DLGAP2: variants seen among roughly 807,000 people sequenced by gnomAD.
The protein encoded by DLGAP2 is disks large-associated protein 2.
In DLGAP2, 26 loss-of-function variants were observed where a neutral mutation model predicts 100.3. That is an observed-to-expected ratio of 0.26 (90% confidence interval 0.19 to 0.36). DLGAP2 has a LOEUF of 0.36. DLGAP2 is among the 10% of genes least tolerant of loss of function. DLGAP2 has a pLI of 1.00. For synonymous variants in DLGAP2, 886 were observed against 630.1 expected (o/e 1.41, Z -6.08); for missense variants, 1,858 against 1,453.2 (o/e 1.28, Z -4.53).
chr8:1,059,217 C>T (rs769781602), intron 2 of DLGAP2, among the ~76,000 whole-genome samples: 5 of 152,074 alleles, frequency 3.3e-5, no homozygotes, highest in South Asian at 2.1e-4. Flanking sequence ...GGAGAGGCTC[C>T]ATCACCAGCT....
rs1230714473 is a variant in DLGAP2 at position 1,374,238 on chromosome 8, T to C, written c.106+115355T>C. ...TGTGGTGGAGGGTAGGTCACGTTTG[T>C]AGAGGGCTGTGTAATGGAGGTTACG... On this transcript the variant is annotated intron_variant, in intron 3 of 14. Coordinates refer to ENST00000637795, the MANE Select transcript of DLGAP2 (RefSeq NM_001346810.2). Among the ~76,000 whole-genome samples, 5 of 150,012 alleles carry C rather than the reference T, an allele frequency of 3.3e-5. No individual in the cohort carries two copies. The East Asian group carries it at 9.9e-4, about 30-fold the overall frequency.
In DLGAP2 at chr8:820,671, G is replaced by T. The variant is rs192689226; in HGVS notation, c.18+82846G>T. On this transcript the variant is annotated intron_variant, in intron 1 of 14. Coordinates refer to ENST00000637795, the MANE Select transcript of DLGAP2 (RefSeq NM_001346810.2). Reference sequence around the variant, plus strand: ...AATGTAAATGGAAACCAATGTTTTAGTAGCATTTTGGGCTCATGTGCATAT... The same window carrying T: ...AATGTAAATGGAAACCAATGTTTTATTAGCATTTTGGGCTCATGTGCATAT... 4.5e-3 allele frequency among the ~76,000 whole-genome samples: 685 copies of T among 152,312 alleles called. 1 individual carries two copies. Among genetic ancestry groups the T allele is most frequent in the Non-Finnish European group, 7.3e-3 (498 of 68,028 alleles).
At chr8:1,392,120 T>G (rs1443051620) in intron 3 of DLGAP2, among the ~76,000 whole-genome samples, 1 of 152,206 alleles carries the variant, frequency 6.6e-6, no homozygotes, top group Non-Finnish European at 1.5e-5. Context: ...AATTGCCTTA[T>G]CTACATCTCT....
At chr8:1,208,462 T>G (rs1258491474) in intron 2 of DLGAP2, among the ~76,000 whole-genome samples, 1 of 152,214 alleles carries the variant, frequency 6.6e-6, no homozygotes, top group Non-Finnish European at 1.5e-5. Flanking sequence ...AGAATTGGCA[T>G]AGAAGGGACA....
chr8:1,136,300 T>TAA (rs5888821), intron 2 of DLGAP2, among the ~76,000 whole-genome samples: 34,173 of 150,726 alleles, frequency 0.23, 4,237 homozygotes, highest in Middle Eastern at 0.39. Context: ...TCAAACCTCG[T>TAA]AAAAAAAAAC....
intron 2 of DLGAP2, among the ~76,000 whole-genome samples, chr8:1,188,937 G>C (rs1216144892): frequency 6.6e-6 from 1 of 152,088 alleles, no homozygotes; most frequent in East Asian, 1.9e-4. Flanking sequence ...GCGGCTTCCA[G>C]GCCGGTTCCG....
chr8:1,640,257 G>T (rs1258657975), intron 8 of DLGAP2, among the ~76,000 whole-genome samples: 1 of 152,120 alleles, frequency 6.6e-6, no homozygotes, highest in Non-Finnish European at 1.5e-5. Flanking sequence ...GACGCTGTGT[G>T]CAGGCTCAGA....
At chr8:1,386,315 G>A (rs554169238) in intron 3 of DLGAP2, among the ~76,000 whole-genome samples, 14 of 152,312 alleles carry the variant, frequency 9.2e-5, no homozygotes, top group African/African-American at 3.4e-4. Flanking sequence ...GCAGGTGCAT[G>A]AACTCCCCAG....
At chr8:1,298,967 C>G (rs1800262411) in intron 3 of DLGAP2, among the ~76,000 whole-genome samples, 1 of 152,112 alleles carries the variant, frequency 6.6e-6, no homozygotes, top group South Asian at 2.1e-4. Flanking sequence ...ACGTCTGTCT[C>G]AGTGGCTCGT....
intron 4 of DLGAP2, among the ~76,000 whole-genome samples, chr8:1,531,113 A>C (rs1482442380): frequency 1.3e-5 from 2 of 152,202 alleles, no homozygotes; most frequent in East Asian, 3.8e-4. Flanking sequence ...GAAAGTGCTG[A>C]AACTTTGTTT....
intron 2 of DLGAP2, among the ~76,000 whole-genome samples, chr8:1,045,434 A>G (rs1039316742): frequency 5.3e-5 from 8 of 152,242 alleles, no homozygotes; most frequent in African/African-American, 1.9e-4. Flanking sequence ...AGACGTAAAC[A>G]CTGCGGAGAG....
intron 3 of DLGAP2, among the ~76,000 whole-genome samples, chr8:1,313,816 G>C (rs777871567): frequency 9.9e-5 from 15 of 152,012 alleles, no homozygotes; most frequent in Non-Finnish European, 1.9e-4. Flanking sequence ...AGTTCAGCTG[G>C]CGCCAAAACT....
chr8:1,021,304 A>G (rs1273886027), intron 2 of DLGAP2, among the ~76,000 whole-genome samples: 1 of 152,156 alleles, frequency 6.6e-6, no homozygotes, highest in East Asian at 1.9e-4. Flanking sequence ...AATACGATAT[A>G]TTTTGGAAAG....
chr8:1,215,919 C>T (rs184671146), intron 2 of DLGAP2, among the ~76,000 whole-genome samples: 6 of 148,484 alleles, frequency 4.0e-5, no homozygotes, highest in South Asian at 2.2e-4. Context: ...TACCTGGAGA[C>T]GTCCAGGTAC....
At chr8:1,459,014 G>A (rs111279807) in intron 3 of DLGAP2, among the ~76,000 whole-genome samples, 23 of 151,634 alleles carry the variant, frequency 1.5e-4, no homozygotes, top group Non-Finnish European at 2.9e-4. Flanking sequence ...ACCAGCATGC[G>A]TCCCAGACAG....
chr8:1,673,201 G>A (rs374087744), intron 10 of DLGAP2, among the ~76,000 whole-genome samples: 4 of 152,292 alleles, frequency 2.6e-5, no homozygotes, highest in African/African-American at 9.6e-5. Flanking sequence ...CAAACTCGTG[G>A]GCTCAAGTGA....
At chr8:1,538,266 A>T (rs529822367) in intron 4 of DLGAP2, among the ~76,000 whole-genome samples, 41 of 152,062 alleles carry the variant, frequency 2.7e-4, no homozygotes, top group Non-Finnish European at 4.9e-4. Context: ...AACTAATTAA[A>T]ATCTCTATAG....
At chr8:1,042,072 C>T (rs1030549915) in intron 2 of DLGAP2, among the ~76,000 whole-genome samples, 1 of 152,170 alleles carries the variant, frequency 6.6e-6, no homozygotes, top group Admixed American at 6.5e-5. Flanking sequence ...GTCTCTGGGC[C>T]GTGTCCTCAG....
At chr8:1,383,231 A>G (rs904904531) in intron 3 of DLGAP2, among the ~76,000 whole-genome samples, 1 of 152,356 alleles carries the variant, frequency 6.6e-6, no homozygotes, top group Admixed American at 6.5e-5. Context: ...GAAAAAAATA[A>G]TTACACGCTT....
Sources: allele counts gnomAD v4.1 joint callset (sites outside exome capture counted in the v4.1 genomes callset), GRCh38; gene constraint gnomAD v4.1.1; transcripts MANE v1.5; gene names NCBI Gene and HGNC (gene_info 2026-07-23, HGNC 2026-07-21).